Variants in DLGAP1 observed in about 807,000 individuals in gnomAD.
The protein encoded by DLGAP1 is DLG associated protein 1.
In DLGAP1, 11 loss-of-function variants were observed where a neutral mutation model predicts 90.8. The observed-to-expected ratio is 0.12, with a 90% CI of 0.08 to 0.20. The LOEUF is 0.20. Among genes scored for constraint, DLGAP1 ranks in the 10% least tolerant of loss-of-function variants. The pLI is 1.00. For missense variants in DLGAP1, 1,050 were observed against 1,333.8 expected, an observed-to-expected ratio of 0.79 and a Z score of 3.31; for synonymous variants, 558 against 540.7, an observed-to-expected ratio of 1.03 and a Z score of -0.44.
chr18:4,181,345 C>T (rs1052721675), intron 1 of DLGAP1, among the ~76,000 whole-genome samples: 3 of 152,124 alleles, frequency 2.0e-5, no homozygotes, highest in Non-Finnish European at 4.4e-5. Context: ...TGAAATGTCA[C>T]CAGAGATACA....
chr18:3,511,812 C>T (rs2050560439), intron 10 of DLGAP1, among the ~76,000 whole-genome samples: 1 of 152,158 alleles, frequency 6.6e-6, no homozygotes, highest in African/African-American at 2.4e-5. Flanking sequence ...CACTCCTATC[C>T]CATTCCTTTT....
At chr18:4,279,766 A>G (rs1346444330) in intron 1 of DLGAP1, among the ~76,000 whole-genome samples, 1 of 152,214 alleles carries the variant, frequency 6.6e-6, no homozygotes, top group Admixed American at 6.5e-5. Context: ...CATTTCTTCA[A>G]TTATTTGAAG....
chr18:3,641,477 C>T (rs979466279), intron 7 of DLGAP1, among the ~76,000 whole-genome samples: 5 of 140,830 alleles, frequency 3.6e-5, no homozygotes, highest in Non-Finnish European at 7.5e-5. Flanking sequence ...GAGGAGGTTG[C>T]GGTGAGCTGA....
At chr18:3,949,351 G>C (rs2072937750) in intron 3 of DLGAP1, among the ~76,000 whole-genome samples, 1 of 152,202 alleles carries the variant, frequency 6.6e-6, no homozygotes, top group African/African-American at 2.4e-5. Context: ...TCTGCCTCAA[G>C]TGGCTCCATC....
At chr18:4,305,518 C>T (rs1451635892) in intron 1 of DLGAP1, among the ~76,000 whole-genome samples, 1 of 124,434 alleles carries the variant, frequency 8.0e-6, no homozygotes, top group Non-Finnish European at 1.6e-5. Context: ...TGGGAAACAA[C>T]AGCAAAACTC....
chr18:4,051,108 G>A (rs915770379), intron 2 of DLGAP1, among the ~76,000 whole-genome samples: 10 of 152,136 alleles, frequency 6.6e-5, no homozygotes, highest in Middle Eastern at 3.4e-3. Flanking sequence ...TTTCTTTTGG[G>A]GGCAGCCTCC....
chr18:3,840,614 C>T (rs2068659273), intron 4 of DLGAP1, among the ~76,000 whole-genome samples: 1 of 152,174 alleles, frequency 6.6e-6, no homozygotes, highest in Admixed American at 6.5e-5. Flanking sequence ...AAGGTAACAT[C>T]CTCAGTTTCC....
At chr18:3,903,630 C>T (rs959462328) in intron 3 of DLGAP1, among the ~76,000 whole-genome samples, 2 of 152,170 alleles carry the variant, frequency 1.3e-5, no homozygotes, top group African/African-American at 4.8e-5. Context: ...GCCATATTTA[C>T]AGCATGTATT....
At chr18:3,655,808 C>A in intron 7 of DLGAP1, 1 of 396,648 alleles carries the variant, frequency 2.5e-6, no homozygotes, top group Non-Finnish European at 4.5e-6. Flanking sequence ...AGAGCCCAGG[C>A]TCGCTGACGA....
intron 8 of DLGAP1, among the ~76,000 whole-genome samples, chr18:3,569,236 G>A (rs576797685): frequency 6.6e-6 from 1 of 151,866 alleles, no homozygotes; most frequent in South Asian, 2.1e-4. Context: ...TCCTGACCTC[G>A]TGATTTGAGT....
In DLGAP1 at chr18:3,729,221, C is replaced by T; in HGVS notation, c.1505G>A (p.Cys502Tyr). The T allele has an allele frequency of 6.2e-7, 1 of 1,613,866 alleles. No homozygotes were observed. The highest frequency in any genetic ancestry group is 8.5e-7 in the Non-Finnish European group (1 of 1,179,882). ...GGACACGCACTCGTCGTCCTGGGAG[C>T]AGCCTTTCTCAATGGCCCGCACATA... ...HSYVRAIEKG[C>Y]SQDDECVSLR... Residue 502 changes from cysteine to tyrosine, a missense_variant, in exon 7 of 13, where the codon TGC becomes TAC. Cys to Tyr is a radical substitution (Grantham distance 194). This residue lies in a region of DLGAP1 where 565 missense variants were observed against 879.7 expected (regional missense o/e 0.64). Coordinates refer to ENST00000315677, the MANE Select transcript of DLGAP1 (RefSeq NM_004746.4). This position sits in a 1 kb window ranked among gnomAD's most constrained non-coding sequence, Gnocchi z 6.2.
At chr18:4,253,079 A>G (rs1049055254) in intron 1 of DLGAP1, among the ~76,000 whole-genome samples, 4 of 152,232 alleles carry the variant, frequency 2.6e-5, no homozygotes, top group African/African-American at 4.8e-5. Flanking sequence ...ACGTAGCTGT[A>G]TATCAGCATA....
intron 9 of DLGAP1, among the ~76,000 whole-genome samples, chr18:3,536,462 G>T (rs1177739088): frequency 6.6e-6 from 1 of 152,020 alleles, no homozygotes; most frequent in East Asian, 1.9e-4. Context: ...GACCTCAGGT[G>T]ATCTGCCTGC....
rs1455802414 is a variant in DLGAP1 at position 3,975,401 on chromosome 18, A to G, written c.-73+29715T>C. On this transcript the variant is annotated intron_variant, in intron 3 of 12. Transcript: ENST00000315677. ...CAACGCAAATCAAAACCACAGTGAG[A>G]TACCGCTTCACACCTGTTAGGATGG... 9.2e-5 allele frequency among the ~76,000 whole-genome samples: 14 copies of G among 152,296 alleles called. No individual in the cohort carries two copies. The East Asian group carries it at 2.3e-3, about 25-fold the overall frequency.
At chr18:3,893,093 C>T (rs545734298) in intron 3 of DLGAP1, among the ~76,000 whole-genome samples, 32 of 151,876 alleles carry the variant, frequency 2.1e-4, no homozygotes, top group African/African-American at 7.0e-4. Flanking sequence ...TCTATTATTC[C>T]ATTCTTTATG....
chr18:3,641,582 T>TAC (rs1251987338), intron 7 of DLGAP1, among the ~76,000 whole-genome samples: 1,548 of 125,628 alleles, frequency 0.012, 34 homozygotes, highest in African/African-American at 0.053. Flanking sequence ...TACACATATA[T>TAC]ATATACACAC....
At chr18:3,686,619 G>C (rs976704066) in intron 7 of DLGAP1, among the ~76,000 whole-genome samples, 1 of 145,210 alleles carries the variant, frequency 6.9e-6, no homozygotes, top group Non-Finnish European at 1.5e-5. Context: ...GACTTTAGTT[G>C]CCCCAGGAAG....
At chr18:3,755,097 T>C (rs1465216282) in intron 5 of DLGAP1, among the ~76,000 whole-genome samples, 1 of 152,116 alleles carries the variant, frequency 6.6e-6, no homozygotes, top group Non-Finnish European at 1.5e-5. Flanking sequence ...TAAGATAAGA[T>C]ACATATTGTA....
At chr18:4,439,652 A>C (rs764541404) in intron 1 of DLGAP1, among the ~76,000 whole-genome samples, 22 of 152,084 alleles carry the variant, frequency 1.4e-4, no homozygotes, top group Non-Finnish European at 3.1e-4. Flanking sequence ...CAAAAAAATA[A>C]AAATAAACTA....
Sources: allele counts gnomAD v4.1 joint callset (sites outside exome capture counted in the v4.1 genomes callset), GRCh38; gene constraint gnomAD v4.1.1; regional missense constraint gnomAD v4.1.1; non-coding constraint Gnocchi (gnomAD v3.1); transcripts MANE v1.5; gene names NCBI Gene and HGNC (gene_info 2026-07-23, HGNC 2026-07-21).